SIPA1L2: variants seen among roughly 807,000 people sequenced by gnomAD.
SIPA1L2 encodes the protein signal induced proliferation associated 1 like 2, also known as signal-induced proliferation-associated 1-like protein 2.
SIPA1L2 carries 56 observed loss-of-function variants against 163.9 expected under a neutral mutation model. The ratio of observed to expected loss-of-function variants is 0.34; its 90% confidence interval spans 0.28 to 0.43. The LOEUF is 0.43. SIPA1L2 is among the 20% of genes least tolerant of loss of function. The pLI, the probability that SIPA1L2 is intolerant of heterozygous loss-of-function variation, is 1.00. For synonymous variants in SIPA1L2, 877 were observed against 865.7 expected (o/e 1.01, Z -0.23); for missense variants, 1,974 against 2,193.5 (o/e 0.90, Z 2.00).
At chr1:232,492,415 T>C (rs1162866515) in intron 4 of SIPA1L2, among the ~76,000 whole-genome samples, 1 of 152,124 alleles carries the variant, frequency 6.6e-6, no homozygotes, top group Non-Finnish European at 1.5e-5. Context: ...GGTGTAACCA[T>C]ACTGCCCTAC....
chr1:232,481,292 T>G, intron 6 of SIPA1L2, among the ~76,000 whole-genome samples: 1 of 152,298 alleles, frequency 6.6e-6, no homozygotes, highest in East Asian at 1.9e-4. Context: ...GCTCCTTCAA[T>G]GAATAATGGA....
chr1:232,508,092 G>A (rs1666811164), intron 3 of SIPA1L2, among the ~76,000 whole-genome samples: 1 of 152,082 alleles, frequency 6.6e-6, no homozygotes, highest in Admixed American at 6.6e-5. Context: ...TCGTCAATCT[G>A]ATTCCGCATT....
intron 1 of SIPA1L2, among the ~76,000 whole-genome samples, 76 bp downstream of exon 1, chr1:232,629,793 G>T (rs1184564604): frequency 6.6e-6 from 1 of 151,668 alleles, no homozygotes; most frequent in African/African-American, 2.4e-5. Context: ...CTTCCCCTTC[G>T]GGACAGTCCC....
Position 232,428,431 on chromosome 1 carries a change from C to A in SIPA1L2, c.4390G>T (p.Val1464Leu). 6.4e-7 allele frequency: 1 copy of A among 1,566,238 alleles called. No individual in the cohort carries two copies. Among genetic ancestry groups the A allele is most frequent in the South Asian group, 1.2e-5 (1 of 84,478 alleles). The change falls in exon 17 of 23, where the codon GTG becomes TTG. Residue 1464 changes from valine (V) to leucine (L), a missense_variant. Physicochemically the swap from Val to Leu is conservative, Grantham distance 32 (BLOSUM62 1). Around this residue, in one of 3 missense-constraint regions of SIPA1L2, gnomAD observed 1,079 missense variants for 1,150.7 expected, o/e 0.94. Transcript: ENST00000674635. ...CTAACCTTTCTTCGCCCCTCCTCCACTAAGGGGCTGTCAGGAAGCATCAAT... is the reference window on the plus strand; with the variant it reads ...CTAACCTTTCTTCGCCCCTCCTCCAATAAGGGGCTGTCAGGAAGCATCAAT... Reference protein sequence around the residue: ...LKLMLPDSPLVEEGRRKFSFY... With the variant: ...LKLMLPDSPLLEEGRRKFSFY...
chr1:232,514,707 C>A lies in SIPA1L2; in HGVS notation c.633G>T (p.Met211Ile). 1 of 1,614,156 alleles carries A rather than the reference C, an allele frequency of 6.2e-7. No homozygotes were observed. The highest frequency in any genetic ancestry group is 8.5e-7 in the Non-Finnish European group (1 of 1,180,020). Residue 211 changes from methionine (M) to isoleucine (I), a missense_variant, in exon 3 of 23, where the codon ATG becomes ATT. By Grantham distance (10) the Met-to-Ile change is conservative. Transcript: ENST00000674635. The part of the protein sequence containing the change: ...QGLSGENFFA[M>I]LRGYRVENYD... Reference sequence around the variant, plus strand: ...AATTTTCTACTCGGTACCCTCTGAGCATAGCAAAAAAGTTTTCACCAGATA... The same window carrying A: ...AATTTTCTACTCGGTACCCTCTGAGAATAGCAAAAAAGTTTTCACCAGATA...
In SIPA1L2 at chr1:232,493,592, C is replaced by A; in HGVS notation, c.1552G>T (p.Val518Leu). Residue 518 changes from valine (V) to leucine (L), a missense_variant, in exon 4 of 23, where the codon GTG (valine) becomes TTG (leucine). By Grantham distance (32) the Val-to-Leu change is conservative. This residue lies in a region of SIPA1L2 where 288 missense variants were observed against 418.9 expected (regional missense o/e 0.69). Transcript: ENST00000674635. ...PVAVSIRREK[V>L]EDAKEKEGSQ... is the part of the protein sequence containing the mutation. ...CCTTCTTTCTCCTTGGCATCTTCCA[C>A]CTTCTCTCTCCGGATGCTGACTGCT... The A allele has an allele frequency of 6.2e-7, 1 of 1,614,118 alleles. No individual in the cohort carries two copies. The highest frequency in any genetic ancestry group is 8.5e-7 in the Non-Finnish European group (1 of 1,180,018).
chr1:232,516,167 C>T (rs901412070), intron 2 of SIPA1L2, among the ~76,000 whole-genome samples: 1 of 152,174 alleles, frequency 6.6e-6, no homozygotes, highest in South Asian at 2.1e-4. Context: ...GCAAAATGGT[C>T]AATACAAGAC....
intron 2 of SIPA1L2, among the ~76,000 whole-genome samples, chr1:232,573,034 G>A (rs1659886973): frequency 6.6e-6 from 1 of 151,874 alleles, no homozygotes; most frequent in Non-Finnish European, 1.5e-5. Context: ...GTCCGCCTCG[G>A]CCTTCCAAAA....
intron 22 of SIPA1L2, among the ~76,000 whole-genome samples, chr1:232,401,912 T>C (rs913337375): frequency 6.6e-6 from 1 of 152,210 alleles, no homozygotes; most frequent in Non-Finnish European, 1.5e-5. Flanking sequence ...AGCCAAGTAT[T>C]TGTGGGATAC....
chr1:232,528,840 C>A (rs908536336), intron 2 of SIPA1L2, among the ~76,000 whole-genome samples: 10 of 152,220 alleles, frequency 6.6e-5, no homozygotes. Context: ...CACTCCCAAT[C>A]GCATTTTACT....
intron 1 of SIPA1L2, among the ~76,000 whole-genome samples, chr1:232,589,163 C>T (rs1185592003): frequency 6.6e-6 from 1 of 152,212 alleles, no homozygotes; most frequent in Non-Finnish European, 1.5e-5. Context: ...CTAAAATTTC[C>T]TCACCATCGG....
intron 1 of SIPA1L2, among the ~76,000 whole-genome samples, chr1:232,594,697 G>T (rs1306796274): frequency 3.3e-5 from 5 of 151,870 alleles, no homozygotes; most frequent in Non-Finnish European, 5.9e-5. Flanking sequence ...TCCCACCAAA[G>T]TTTTTCCAGT....
rs918401359 is a variant in SIPA1L2 at position 232,547,565 on chromosome 1, C to T, written c.-270+26609G>A. 2.7e-3 allele frequency among the ~76,000 whole-genome samples: 7 copies of T among 2,586 alleles called. No individual in the cohort carries two copies. In the South Asian group the frequency reaches 0.055, roughly 20 times the overall value. 1.7% of individuals were successfully genotyped at this position (2,586 alleles called of 152,430 possible). A position where few individuals can be genotyped will look rare whatever the true frequency, so the allele number is the denominator to read the frequency against. On this transcript the variant is annotated intron_variant, in intron 2 of 22. Transcript: ENST00000674635. ...ATGTGCCCTAATGATCACTGTGGCC[C>T]GGGGTGGGGGCTGGGTGGGGGCTGG...
At chr1:232,610,088 T>G (rs1407091201) in intron 1 of SIPA1L2, among the ~76,000 whole-genome samples, 1 of 152,188 alleles carries the variant, frequency 6.6e-6, no homozygotes, top group East Asian at 1.9e-4. Context: ...ATGTTTTTCT[T>G]TTTTCCTATG....
intron 2 of SIPA1L2, among the ~76,000 whole-genome samples, chr1:232,516,502 G>C (rs993942686): frequency 6.6e-6 from 1 of 152,150 alleles, no homozygotes; most frequent in Non-Finnish European, 1.5e-5. Context: ...GGGATAGTGT[G>C]TCTGTTCTGT....
chr1:232,506,173 GA>G (rs1262039216), intron 3 of SIPA1L2, among the ~76,000 whole-genome samples: 1 of 152,134 alleles, frequency 6.6e-6, no homozygotes, highest in Non-Finnish European at 1.5e-5. Context: ...ACCACTAAAA[GA>G]AAGTATTGCC....
intron 22 of SIPA1L2, among the ~76,000 whole-genome samples, chr1:232,400,206 C>T (rs1572840646): frequency 6.6e-6 from 1 of 152,088 alleles, no homozygotes; most frequent in East Asian, 1.9e-4. Context: ...TCACTTCACT[C>T]TAAGAAGCAG....
intron 11 of SIPA1L2, among the ~76,000 whole-genome samples, chr1:232,444,981 A>G (rs541131442): frequency 2.4e-4 from 36 of 152,366 alleles, no homozygotes; most frequent in African/African-American, 8.4e-4. Flanking sequence ...AGGCATCTGA[A>G]AACCCTCACC....
At chr1:232,402,364 T>TTC in intron 22 of SIPA1L2, 28 bp downstream of exon 22, 1 of 1,599,796 alleles carries the variant, frequency 6.3e-7, no homozygotes. Context: ...AGAGAAACAG[T>TTC]TCTGATTATG....
Sources: gnomAD v4.1 joint callset for allele counts (sites outside exome capture counted in the v4.1 genomes callset) on GRCh38, gnomAD v4.1.1 for gene constraint, gnomAD v4.1.1 regional missense constraint, MANE v1.5 for transcripts, NCBI Gene and HGNC (gene_info 2026-07-23, HGNC 2026-07-21) for gene names.